The following VAV3 variants were observed in gnomAD, a reference collection of about 807,000 sequenced individuals.
The protein encoded by VAV3 is vav guanine nucleotide exchange factor 3.
A neutral mutation model predicts 131.2 loss-of-function variants in VAV3; 94 were observed. The ratio of observed to expected loss-of-function variants is 0.72; its 90% CI spans 0.61 to 0.85. The LOEUF is 0.85. Ranked by LOEUF, VAV3 falls within the 40% of genes least tolerant of loss-of-function variation. VAV3 has a pLI of 0.00. For missense variants in VAV3, 939 were observed against 1,002.7 expected (o/e 0.94, Z 0.86); for synonymous variants, 349 against 342.0 (o/e 1.02, Z -0.22).
intron 19 of VAV3, among the ~76,000 whole-genome samples, chr1:107,644,283 G>A (rs574054237): frequency 4.3e-4 from 66 of 152,198 alleles, no homozygotes; most frequent in African/African-American, 1.6e-3. Context: ...ACTCCAACAG[G>A]TGGAAGAGGA....
chr1:107,926,981 C>T (rs1042906903), intron 1 of VAV3, among the ~76,000 whole-genome samples: 7 of 152,156 alleles, frequency 4.6e-5, no homozygotes. Flanking sequence ...TAAGGGAGTG[C>T]TTGTACCACA....
intron 12 of VAV3, among the ~76,000 whole-genome samples, chr1:107,753,519 T>TACATATAC (rs1557821929): frequency 7.9e-5 from 7 of 88,368 alleles, no homozygotes; most frequent in African/African-American, 2.9e-4. Context: ...CACACATATA[T>TACATATAC]ATATATACGT....
chr1:107,768,720 T>C (rs1664873356), intron 6 of VAV3, among the ~76,000 whole-genome samples: 2 of 152,130 alleles, frequency 1.3e-5, no homozygotes, highest in Non-Finnish European at 2.9e-5. Flanking sequence ...TATTAATACA[T>C]TTAAAGTATA....
intron 25 of VAV3, among the ~76,000 whole-genome samples, chr1:107,589,392 A>G (rs1650762132): frequency 6.6e-6 from 1 of 152,218 alleles, no homozygotes; most frequent in African/African-American, 2.4e-5. Flanking sequence ...GGTGACGTGA[A>G]GACCAGCAGA....
chr1:107,645,734 C>G (rs1655691486), intron 19 of VAV3, among the ~76,000 whole-genome samples: 1 of 152,074 alleles, frequency 6.6e-6, no homozygotes, highest in African/African-American at 2.4e-5. Context: ...AGGCATCACA[C>G]TTCACAAATG....
intron 2 of VAV3, among the ~76,000 whole-genome samples, chr1:107,797,952 T>G (rs1230765262): frequency 6.6e-6 from 1 of 152,156 alleles, no homozygotes; most frequent in African/African-American, 2.4e-5. Flanking sequence ...ATGCTGCTGG[T>G]CCAGGTACCA....
chr1:107,915,627 T>C (rs1672577628), intron 1 of VAV3, among the ~76,000 whole-genome samples: 1 of 152,322 alleles, frequency 6.6e-6, no homozygotes, highest in African/African-American at 2.4e-5. Flanking sequence ...TAAATGTCAG[T>C]TAAATAAGGC....
At chr1:107,674,259 C>T (rs545081664) in intron 19 of VAV3, among the ~76,000 whole-genome samples, 30 of 152,150 alleles carry the variant, frequency 2.0e-4, no homozygotes, top group Non-Finnish European at 3.7e-4. Context: ...GGGTGTCATA[C>T]ACATGGCGTG....
At chr1:107,675,839 A>G (rs1164472724) in intron 19 of VAV3, among the ~76,000 whole-genome samples, 1 of 152,248 alleles carries the variant, frequency 6.6e-6, no homozygotes, top group East Asian at 1.9e-4. Context: ...CAGGGCTACA[A>G]GAAGATCAAA....
intron 21 of VAV3, among the ~76,000 whole-genome samples, chr1:107,612,348 A>G (rs962970006): frequency 5.3e-5 from 8 of 152,016 alleles, no homozygotes; most frequent in African/African-American, 1.7e-4. Flanking sequence ...GAGGATAGTA[A>G]TTTTCTCTCA....
intron 25 of VAV3, among the ~76,000 whole-genome samples, chr1:107,590,314 G>A (rs1222103637): frequency 6.6e-6 from 1 of 152,174 alleles, no homozygotes; most frequent in Non-Finnish European, 1.5e-5. Flanking sequence ...GTGAACCTTA[G>A]ACTCTGACTT....
At chr1:107,850,052 T>A (rs1033019716) in intron 2 of VAV3, among the ~76,000 whole-genome samples, 4 of 152,052 alleles carry the variant, frequency 2.6e-5, no homozygotes, top group African/African-American at 9.7e-5. Flanking sequence ...ATGGCAATCA[T>A]TAAAAAGTCA....
At chr1:107,835,341 C>A (rs1189372123) in intron 2 of VAV3, among the ~76,000 whole-genome samples, 2 of 152,152 alleles carry the variant, frequency 1.3e-5, no homozygotes, top group African/African-American at 4.8e-5. Context: ...AAGGACAAAG[C>A]CTCAGGCTTG....
At chr1:107,815,719 T>C (rs1667534035) in intron 2 of VAV3, among the ~76,000 whole-genome samples, 1 of 152,196 alleles carries the variant, frequency 6.6e-6, no homozygotes, top group African/African-American at 2.4e-5. Context: ...ACGGCACTAT[T>C]TGTTTAAAAT....
intron 1 of VAV3, among the ~76,000 whole-genome samples, chr1:107,907,994 G>T (rs112326347): frequency 6.4e-4 from 97 of 152,298 alleles, no homozygotes; most frequent in Non-Finnish European, 1.3e-3. Context: ...GTGTTCAGTT[G>T]TAAGTAGCAT....
At chr1:107,629,905 A>G (rs1229586256) in intron 20 of VAV3, among the ~76,000 whole-genome samples, 1 of 152,202 alleles carries the variant, frequency 6.6e-6, no homozygotes, top group East Asian at 1.9e-4. Context: ...ATGACAGTCT[A>G]CTACAAAATC....
intron 1 of VAV3, among the ~76,000 whole-genome samples, chr1:107,915,527 C>A (rs1045143616): frequency 6.6e-6 from 1 of 152,122 alleles, no homozygotes; most frequent in Non-Finnish European, 1.5e-5. Flanking sequence ...TTGATCTGTT[C>A]CTCGATGTCC....
At chr1:107,905,343 A>C (rs1672052416) in intron 1 of VAV3, among the ~76,000 whole-genome samples, 1 of 152,200 alleles carries the variant, frequency 6.6e-6, no homozygotes, top group Non-Finnish European at 1.5e-5. Context: ...ACATGGTTAA[A>C]GACTGGTATA....
chr1:107,862,476 G>A (rs1055679519), intron 2 of VAV3, among the ~76,000 whole-genome samples: 1 of 151,418 alleles, frequency 6.6e-6, no homozygotes, highest in Admixed American at 6.6e-5. Flanking sequence ...AGATCTTGTT[G>A]ATAGGAAATA....
Sources: gnomAD v4.1 joint callset for allele counts (sites outside exome capture counted in the v4.1 genomes callset) on GRCh38, gnomAD v4.1.1 for gene constraint, MANE v1.5 for transcripts, NCBI Gene and HGNC (gene_info 2026-07-23, HGNC 2026-07-21) for gene names.